The following SETD3 variants were observed in gnomAD, a reference collection of about 807,000 sequenced individuals.
SETD3 encodes the protein SET domain containing 3, actin N3(tau)-histidine methyltransferase.
Under a neutral mutation model 63.0 loss-of-function variants are expected in SETD3, and 19 were observed. That is an observed-to-expected ratio of 0.30 (90% CI 0.21 to 0.44). The LOEUF (loss-of-function observed/expected upper bound fraction) is 0.44, where lower values mean the gene tolerates loss of function less well. Among genes scored for constraint, SETD3 ranks in the 20% least tolerant of loss-of-function variants. SETD3 has a pLI of 1.00. For synonymous variants in SETD3, 286 were observed against 264.1 expected (o/e 1.08, Z -0.80); for missense variants, 587 against 728.5 (o/e 0.81, Z 2.24).
Position 99,461,341 on chromosome 14 carries a change from C to T in SETD3, c.197-1G>A. ...TTTCCATCAAAAGTAACGGACAGAC[C>T]TATATTAATCCACGTTTTAGAAAAC... On this transcript the variant is annotated splice_acceptor_variant, in intron 3 of 12. Transcript: ENST00000331768. LOFTEE classifies it high-confidence loss of function. The T allele has an allele frequency of 6.2e-7, 1 of 1,609,592 alleles. No homozygotes were observed. Among genetic ancestry groups the T allele is most frequent in the Non-Finnish European group, 8.5e-7 (1 of 1,178,866 alleles).
At chr14:99,469,280 C>T (rs140496921) in intron 1 of SETD3, among the ~76,000 whole-genome samples, 4 of 152,276 alleles carry the variant, frequency 2.6e-5, no homozygotes, top group African/African-American at 2.4e-5. Flanking sequence ...TATGCTAGAA[C>T]GCAATCTTCA....
At chr14:99,446,129 T>G (rs1314157655) in intron 6 of SETD3, among the ~76,000 whole-genome samples, 1 of 152,158 alleles carries the variant, frequency 6.6e-6, no homozygotes, top group Non-Finnish European at 1.5e-5. Flanking sequence ...AGCTTTCCTG[T>G]TCCTACACCT....
At position 99,398,431 on chromosome 14, in the gene SETD3, C is replaced by T. The variant is rs969309953; in HGVS notation, c.*248G>A. The T allele has an allele frequency of 2.1e-6, 1 of 480,120 alleles. No individual in the cohort carries two copies. Among genetic ancestry groups the T allele is most frequent in the Non-Finnish European group, 3.7e-6 (1 of 270,898 alleles). The allele number at this position is 480,120 out of a possible 1,614,324, so 29.7% of individuals were successfully genotyped here. Reference sequence around the variant, plus strand: ...ATAGGTCTGCAAAATCTCCCACAGGCACCTCTTCTCCCTTTCTTGTGGTTG... The same window carrying T: ...ATAGGTCTGCAAAATCTCCCACAGGTACCTCTTCTCCCTTTCTTGTGGTTG... On this transcript the variant is annotated 3_prime_UTR_variant, in exon 13 of 13. Transcript: ENST00000331768.
intron 6 of SETD3, among the ~76,000 whole-genome samples, chr14:99,436,653 T>C (rs1230874091): frequency 6.6e-6 from 1 of 152,198 alleles, no homozygotes; most frequent in Non-Finnish European, 1.5e-5. Context: ...GTTGTGTTCT[T>C]ATGGTGCTTT....
intron 6 of SETD3, among the ~76,000 whole-genome samples, chr14:99,447,794 GA>G (rs1403383421): frequency 1.3e-5 from 2 of 152,112 alleles, no homozygotes; most frequent in African/African-American, 2.4e-5. Context: ...TAGCTTGGGG[GA>G]AAAAAAGCAA....
intron 1 of SETD3, among the ~76,000 whole-genome samples, chr14:99,474,578 T>C (rs984366345): frequency 6.6e-6 from 1 of 152,102 alleles, no homozygotes; most frequent in Non-Finnish European, 1.5e-5. Flanking sequence ...AAAAATACAG[T>C]TGTTGGCCAG....
At chr14:99,456,629 G>A (rs962893107) in intron 6 of SETD3, among the ~76,000 whole-genome samples, 16 of 152,072 alleles carry the variant, frequency 1.1e-4, no homozygotes, top group Non-Finnish European at 1.6e-4. Flanking sequence ...TTTAATCCCC[G>A]TAGCATCTCA....
chr14:99,469,522 T>C (rs983386051), intron 1 of SETD3, among the ~76,000 whole-genome samples: 4 of 152,198 alleles, frequency 2.6e-5, no homozygotes, highest in African/African-American at 9.7e-5. Context: ...GGCAGGTGGA[T>C]TGCTTGATCC....
At chr14:99,478,958 G>A (rs776680530) in intron 1 of SETD3, among the ~76,000 whole-genome samples, 1 of 152,146 alleles carries the variant, frequency 6.6e-6, no homozygotes, top group African/African-American at 2.4e-5. Flanking sequence ...AAATGTCCAC[G>A]GCACGGAAGA....
At chr14:99,453,050 G>A (rs771853007) in intron 6 of SETD3, among the ~76,000 whole-genome samples, 1 of 151,854 alleles carries the variant, frequency 6.6e-6, no homozygotes, top group East Asian at 1.9e-4. Flanking sequence ...CCTCAATGCC[G>A]AAAACAAAAA....
At position 99,412,987 on chromosome 14, in the gene SETD3, A is replaced by T. The variant is rs1289636143; in HGVS notation, c.813T>A (p.Ile271=). Residue 271 remains isoleucine (I), a synonymous_variant, in exon 8 of 13, where the codon ATT becomes ATA. Transcript: ENST00000331768. Reference sequence around the variant, plus strand: ...TGTGGTTACACATATCCCATAAAGGAATCAGAGCCAGGGTCACGCGGGAAC... The same window carrying T: ...TGTGGTTACACATATCCCATAAAGGTATCAGAGCCAGGGTCACGCGGGAAC... ...EDGSRVTLAL[I]PLWDMCNHTN... The T allele has an allele frequency of 1.2e-6, 2 of 1,614,086 alleles. No individual in the cohort carries two copies. Among genetic ancestry groups the T allele is most frequent in the Admixed American group, 3.3e-5 (2 of 60,024 alleles).
chr14:99,416,850 A>C (rs1291390668), intron 6 of SETD3, among the ~76,000 whole-genome samples: 1 of 151,838 alleles, frequency 6.6e-6, no homozygotes, highest in African/African-American at 2.4e-5. Flanking sequence ...TCATAATCAG[A>C]CCTGAAGCAC....
chr14:99,461,044 G>A (rs1895035546), intron 4 of SETD3, 148 bp downstream of exon 4: 19 of 913,186 alleles, frequency 2.1e-5, no homozygotes, highest in Non-Finnish European at 3.2e-5. Flanking sequence ...TAGAACATGA[G>A]CCCAAGGCCC....
At chr14:99,421,617 G>T (rs1892600430) in intron 6 of SETD3, among the ~76,000 whole-genome samples, 2 of 152,120 alleles carry the variant, frequency 1.3e-5, no homozygotes, top group Admixed American at 1.3e-4. Context: ...GTGGGAGAGG[G>T]AGACAGACAC....
rs769700923 is a variant in SETD3, at chr14:99,398,768, C to T, written c.1696G>A (p.Glu566Lys). Residue 566 changes from glutamate to lysine, a missense_variant, in exon 13 of 13, where the codon GAA becomes AAA. Coordinates refer to ENST00000331768, the MANE Select transcript of SETD3 (RefSeq NM_032233.3). Reference sequence around the variant, plus strand: ...CTTTCTTGATTGAGACTTTCATTTTCGGACCTGGTCCCATTAGGGATAGAG... The same window carrying T: ...CTTTCTTGATTGAGACTTTCATTTTTGGACCTGGTCCCATTAGGGATAGAG... ...ENSIPNGTRS[E>K]NESLNQESKR... The T allele has an allele frequency of 1.5e-5, 25 of 1,614,088 alleles. No individual in the cohort carries two copies. In the Admixed American group the frequency reaches 2.2e-4, roughly 14 times the overall value.
At chr14:99,401,422 C>T (rs1035989838) in intron 11 of SETD3, among the ~76,000 whole-genome samples, 2 of 152,208 alleles carry the variant, frequency 1.3e-5, no homozygotes, top group Admixed American at 1.3e-4. Context: ...TGCCCCACAG[C>T]TGTCACTATT....
chr14:99,444,124 T>C (rs1893994587), intron 6 of SETD3, among the ~76,000 whole-genome samples: 1 of 152,162 alleles, frequency 6.6e-6, no homozygotes, highest in Non-Finnish European at 1.5e-5. Context: ...ACTGTTCTTC[T>C]GGGGTCCACT....
At chr14:99,427,198 T>C (rs1354156786) in intron 6 of SETD3, among the ~76,000 whole-genome samples, 1 of 152,200 alleles carries the variant, frequency 6.6e-6, no homozygotes, top group Admixed American at 6.5e-5. Context: ...ATGGTGCACA[T>C]GATGCTGACA....
chr14:99,413,381 C>T, intron 7 of SETD3: 1 of 305,158 alleles, frequency 3.3e-6, no homozygotes, highest in Admixed American at 4.7e-5. Context: ...CACCCCCCAA[C>T]CCAACCCTCT....
Sources: allele counts gnomAD v4.1 joint callset (sites outside exome capture counted in the v4.1 genomes callset), GRCh38; gene constraint gnomAD v4.1.1; transcripts MANE v1.5; gene names NCBI Gene and HGNC (gene_info 2026-07-23, HGNC 2026-07-21).